The following CSMD1 variants were observed in gnomAD, a reference collection of about 807,000 sequenced individuals.
CSMD1 encodes the protein CUB and Sushi multiple domains 1, also known as CUB and sushi domain-containing protein 1.
In CSMD1, 213 loss-of-function variants were observed where a neutral mutation model predicts 417.5. That is an observed-to-expected ratio of 0.51 (90% CI 0.46 to 0.57). The LOEUF is 0.57. Among genes scored for constraint, CSMD1 ranks in the 20% least tolerant of loss-of-function variants. The pLI, the probability that CSMD1 is intolerant of heterozygous loss-of-function variation, is 0.00. For missense variants in CSMD1, 6,923 were observed against 4,529.7 expected (o/e 1.53, Z -15.17); for synonymous variants, 2,862 against 1,736.8 (o/e 1.65, Z -16.11).
chr8:4,454,616 G>C (rs1397722266), intron 2 of CSMD1, among the ~76,000 whole-genome samples: 5 of 152,180 alleles, frequency 3.3e-5, no homozygotes, highest in African/African-American at 7.2e-5. Flanking sequence ...GGGCATAGCA[G>C]AAGGAAGCTG....
chr8:4,496,509 A>G (rs898543350), intron 2 of CSMD1, among the ~76,000 whole-genome samples: 2 of 152,206 alleles, frequency 1.3e-5, no homozygotes, highest in East Asian at 1.9e-4. Context: ...GTCGGGTAAT[A>G]TACCAGGGAG....
At chr8:3,234,474 C>T (rs1469612490) in intron 26 of CSMD1, among the ~76,000 whole-genome samples, 1 of 152,010 alleles carries the variant, frequency 6.6e-6, no homozygotes, top group Non-Finnish European at 1.5e-5. Flanking sequence ...CACTTGAAAA[C>T]AGCACTCTCA....
At chr8:4,592,070 G>A (rs2617089) in intron 2 of CSMD1, among the ~76,000 whole-genome samples, 81,013 of 151,840 alleles carry the variant, frequency 0.53, 22,927 homozygotes, top group African/African-American at 0.73. Context: ...CCGGAGGGAC[G>A]TCTAACAGTA....
intron 2 of CSMD1, among the ~76,000 whole-genome samples, chr8:4,501,755 G>C (rs1802269315): frequency 6.6e-6 from 1 of 152,132 alleles, no homozygotes. Flanking sequence ...GGTTGCAGTA[G>C]TGCAGCATTT....
At chr8:4,014,021 A>T (rs1465428688) in intron 4 of CSMD1, among the ~76,000 whole-genome samples, 1 of 152,112 alleles carries the variant, frequency 6.6e-6, no homozygotes, top group African/African-American at 2.4e-5. Context: ...TACTGAAAGG[A>T]CATACGGAGA....
chr8:3,535,967 A>T (rs10093437), intron 10 of CSMD1, among the ~76,000 whole-genome samples: 2 of 152,130 alleles, frequency 1.3e-5, no homozygotes, highest in African/African-American at 4.8e-5. Flanking sequence ...GTTATATGAC[A>T]GAGGGCCATC....
At chr8:4,262,899 G>A (rs910849001) in intron 3 of CSMD1, among the ~76,000 whole-genome samples, 2 of 152,098 alleles carry the variant, frequency 1.3e-5, no homozygotes, top group African/African-American at 4.8e-5. Flanking sequence ...TGCCATCACA[G>A]AAGTCATCAT....
chr8:4,394,681 G>A (rs1266127620), intron 3 of CSMD1, among the ~76,000 whole-genome samples: 1 of 152,134 alleles, frequency 6.6e-6, no homozygotes, highest in Non-Finnish European at 1.5e-5. Flanking sequence ...ATTCCCTTGG[G>A]CGTCTTGCTG....
At chr8:4,516,680 G>C (rs1226961220) in intron 2 of CSMD1, among the ~76,000 whole-genome samples, 1 of 152,116 alleles carries the variant, frequency 6.6e-6, no homozygotes, top group African/African-American at 2.4e-5. Context: ...TCCATGATCA[G>C]CCCCAGATTC....
At chr8:4,672,010 T>G (rs1057291973) in intron 1 of CSMD1, among the ~76,000 whole-genome samples, 1 of 152,166 alleles carries the variant, frequency 6.6e-6, no homozygotes, top group Non-Finnish European at 1.5e-5. Context: ...TTTGGGTGGC[T>G]TACTGAGAGC....
chr8:4,904,716 G>C (rs977195301), intron 1 of CSMD1, among the ~76,000 whole-genome samples: 1 of 151,980 alleles, frequency 6.6e-6, no homozygotes, highest in African/African-American at 2.4e-5. Context: ...AGTAACACAG[G>C]TAAATGTGAT....
At chr8:3,502,207 A>AC (rs1796631289) in intron 10 of CSMD1, among the ~76,000 whole-genome samples, 1 of 151,862 alleles carries the variant, frequency 6.6e-6, no homozygotes, top group African/African-American at 2.4e-5. Flanking sequence ...TACTAAAAAT[A>AC]TAAAAAAATT....
chr8:3,541,442 A>T (rs192914383), intron 10 of CSMD1, among the ~76,000 whole-genome samples: 1 of 152,206 alleles, frequency 6.6e-6, no homozygotes, highest in East Asian at 1.9e-4. Context: ...TACCTAGGTG[A>T]TGGGTTGATA....
intron 9 of CSMD1, among the ~76,000 whole-genome samples, chr8:3,575,530 T>C (rs1263583660): frequency 3.9e-5 from 6 of 152,174 alleles, no homozygotes; most frequent in African/African-American, 1.4e-4. Context: ...TCTTACACTG[T>C]CTGACCTCCA....
At chr8:3,100,813 G>A (rs11998559) in intron 46 of CSMD1, among the ~76,000 whole-genome samples, 1 of 152,154 alleles carries the variant, frequency 6.6e-6, no homozygotes, top group Non-Finnish European at 1.5e-5. Context: ...TGGGATTTAT[G>A]AGTAACTAAG....
chr8:3,934,289 C>G (rs1028386698), intron 5 of CSMD1, among the ~76,000 whole-genome samples: 3 of 152,052 alleles, frequency 2.0e-5, no homozygotes, highest in Admixed American at 6.6e-5. Context: ...TAATCTGAAC[C>G]AAAGTGCCTA....
intron 3 of CSMD1, among the ~76,000 whole-genome samples, chr8:4,323,991 G>A (rs1021741463): frequency 6.6e-6 from 1 of 152,166 alleles, no homozygotes; most frequent in African/African-American, 2.4e-5. Context: ...GGACTTCACT[G>A]TGATCCTGGG....
At chr8:3,148,478 G>A (rs529401365) in intron 40 of CSMD1, among the ~76,000 whole-genome samples, 4 of 152,216 alleles carry the variant, frequency 2.6e-5, no homozygotes, top group South Asian at 2.1e-4. Flanking sequence ...ATTCACATGC[G>A]GCCGAAGTGT....
intron 38 of CSMD1, among the ~76,000 whole-genome samples, chr8:3,161,776 C>T (rs925316195): frequency 1.3e-5 from 2 of 152,056 alleles, no homozygotes; most frequent in African/African-American, 4.8e-5. Context: ...ATGACTTATA[C>T]TGAATGATGA....
Sources: allele counts gnomAD v4.1 joint callset (sites outside exome capture counted in the v4.1 genomes callset), GRCh38; gene constraint gnomAD v4.1.1; transcripts MANE v1.5; gene names NCBI Gene and HGNC (gene_info 2026-07-23, HGNC 2026-07-21).